The following MSN variants were observed in gnomAD, a reference collection of about 807,000 sequenced individuals.
MSN encodes epididymis luminal protein 70.
A neutral mutation model predicts 48.0 loss-of-function variants in MSN; 2 were observed. That is an observed-to-expected ratio of 0.04 (90% CI 0.02 to 0.13). MSN has a LOEUF of 0.13. MSN is among the 10% of genes least tolerant of loss of function. The probability of loss-of-function intolerance (pLI) is 1.00; values close to 1 mark genes in which losing one functional copy is unlikely to be tolerated. For missense variants in MSN, 267 were observed against 470.1 expected, an observed-to-expected ratio of 0.57 and a Z score of 3.99; for synonymous variants, 146 against 166.9, an observed-to-expected ratio of 0.87 and a Z score of 0.97.
chrX:65,602,805 T>C (rs1569452982), intron 1 of MSN, among the ~76,000 whole-genome samples: 1 of 112,329 alleles, frequency 8.9e-6, no homozygotes. Context: ...TAACACTTGA[T>C]AAATGGCAGT....
chrX:65,655,638 C>G (rs2070775625), intron 1 of MSN, among the ~76,000 whole-genome samples: 1 of 112,935 alleles, frequency 8.9e-6, no homozygotes, highest in Admixed American at 9.4e-5. Context: ...CCACTTGATC[C>G]AGCTCTGCCT....
rs773724463 is a variant in MSN at position 65,731,070 on chromosome X, T to C, written c.468-37T>C. On this transcript the variant is annotated intron_variant, in intron 4 of 12. Transcript: ENST00000360270. ...TCCCTTCTCTCCTGCACAGGGACTT[T>C]GTGCTTTAAACTACTCATCACCCAT... 4.5e-6 allele frequency: 5 copies of C among 1,123,415 alleles called. No homozygotes were observed. In the South Asian group the frequency reaches 9.7e-5, roughly 22 times the overall value. 92.6% of individuals were successfully genotyped at this position (1,123,415 alleles called of 1,213,427 possible).
At chrX:65,733,917 G>C (rs141620624) in intron 7 of MSN, among the ~76,000 whole-genome samples, 4 of 111,406 alleles carry the variant, frequency 3.6e-5, no homozygotes, top group Non-Finnish European at 7.5e-5. Flanking sequence ...GCCTCCCAAA[G>C]TGCTGGGATT....
intron 1 of MSN, among the ~76,000 whole-genome samples, chrX:65,647,252 T>A (rs2070701587): frequency 9.6e-6 from 1 of 103,727 alleles, no homozygotes; most frequent in Admixed American, 1.0e-4. Flanking sequence ...TGCACTGTCA[T>A]CCAGGTTGGA....
chrX:65,702,076 A>G (rs2071310621), intron 1 of MSN, among the ~76,000 whole-genome samples: 1 of 104,473 alleles, frequency 9.6e-6, no homozygotes, highest in Non-Finnish European at 2.0e-5. Context: ...ACAGTGGTGC[A>G]ATCTCGGCTC....
At chrX:65,620,433 G>A (rs755489674) in intron 1 of MSN, among the ~76,000 whole-genome samples, 92 of 113,974 alleles carry the variant, frequency 8.1e-4, no homozygotes, top group Non-Finnish European at 1.6e-3. Context: ...CAAGCCCGTC[G>A]GAAAAGCGCA....
chrX:65,604,158 C>T (rs1284634778), intron 1 of MSN, among the ~76,000 whole-genome samples: 3 of 111,993 alleles, frequency 2.7e-5, no homozygotes, highest in Non-Finnish European at 5.6e-5. Context: ...GTTGCAGAGC[C>T]AGGATATAAG....
At chrX:65,613,027 C>T (rs1331773944) in intron 1 of MSN, among the ~76,000 whole-genome samples, 1 of 111,498 alleles carries the variant, frequency 9.0e-6, no homozygotes, top group Admixed American at 9.6e-5. Flanking sequence ...GTTATCCCTC[C>T]CCTTGCCCCC....
chrX:65,735,628 C>G (rs1423248511), intron 8 of MSN, among the ~76,000 whole-genome samples, 198 bp downstream of exon 8: 2 of 112,463 alleles, frequency 1.8e-5, no homozygotes, highest in African/African-American at 3.2e-5. Context: ...TAGCAGGAAA[C>G]TGCCCTGTAG....
chrX:65,594,763 T>A (rs759813646), intron 1 of MSN, among the ~76,000 whole-genome samples: 1 of 111,499 alleles, frequency 9.0e-6, no homozygotes, highest in East Asian at 2.8e-4. Context: ...AAACACTGGC[T>A]GCCTTTGTTG....
chrX:65,707,862 T>C (rs2071376897), intron 1 of MSN, among the ~76,000 whole-genome samples: 1 of 112,057 alleles, frequency 8.9e-6, no homozygotes, highest in Admixed American at 9.4e-5. Context: ...ACTTCTATCC[T>C]ATCTATCACT....
rs371431201 is a variant in MSN at position 65,729,763 on chromosome X, C to A, written c.467+51C>A. On this transcript the variant is annotated intron_variant, in intron 4 of 12. Transcript: ENST00000360270. The stretch of plus-strand genomic sequence containing the variant: ...GCCTTGGCCATAAGGGGCTGCAGCC[C>A]ACAGCTGACCAATCCCTGCCTCACA... 2.8e-5 allele frequency: 32 copies of A among 1,141,341 alleles called. No homozygotes were observed. The East Asian group carries it at 8.6e-4, about 31-fold the overall frequency. The allele number at this position is 1,141,341 out of a possible 1,213,427, so 94.1% of individuals were successfully genotyped here. A position where few individuals can be genotyped will look rare whatever the true frequency, so the allele number is the denominator to read the frequency against.
At position 65,629,927 on chromosome X, in the gene MSN, C is replaced by A. The variant is rs185853215; in HGVS notation, c.-22+41315C>A. The stretch of plus-strand genomic sequence containing the variant: ...GGCGAGGTGGCTCACACCTGTAATC[C>A]TAGCACTTTGGGAGGCTGAGGTGGG... On this transcript the variant is annotated intron_variant, in intron 1 of 3. Coordinates refer to the MSN transcript ENST00000609672. Among the ~76,000 whole-genome samples, 124 of 111,756 alleles carry A rather than the reference C, an allele frequency of 1.1e-3. 2 individuals are homozygous for A. Among genetic ancestry groups the A allele is most frequent in the African/African-American group, 3.8e-3 (118 of 30,774 alleles).
At chrX:65,617,817 C>A (rs1161637908) in intron 1 of MSN, among the ~76,000 whole-genome samples, 9 of 108,862 alleles carry the variant, frequency 8.3e-5, no homozygotes. Flanking sequence ...AATTTTGGAT[C>A]TTTCCTGCTT....
chrX:65,626,545 G>T (rs1384301309), intron 1 of MSN, among the ~76,000 whole-genome samples: 1 of 110,626 alleles, frequency 9.0e-6, no homozygotes, highest in Admixed American at 9.7e-5. Context: ...GAAGTTTCTG[G>T]GTTTTTTTTT....
At chrX:65,656,265 C>CTGTGTGTG (rs3087113) in intron 1 of MSN, among the ~76,000 whole-genome samples, 25 of 92,844 alleles carry the variant, frequency 2.7e-4, no homozygotes, top group African/African-American at 9.2e-4. Context: ...AGATCTATGC[C>CTGTGTGTG]TGTGTGTGTG....
chrX:65,609,612 G>A lies in MSN; in HGVS notation c.-22+21000G>A, dbSNP rs1374716671. Among the ~76,000 whole-genome samples, 8 of 111,536 alleles carry A rather than the reference G, an allele frequency of 7.2e-5. No homozygotes were observed. In the East Asian group the frequency reaches 1.1e-3, roughly 16 times the overall value. ...AAGAGTAGATTTCCTGGCCAGGCGCGGTGGCTCATGTCTGTAATCCCAGCA... is the reference window on the plus strand; with the variant it reads ...AAGAGTAGATTTCCTGGCCAGGCGCAGTGGCTCATGTCTGTAATCCCAGCA... On this transcript the variant is annotated intron_variant, in intron 1 of 3. Coordinates refer to the MSN transcript ENST00000609672.
At chrX:65,696,634 C>T (rs1602813411) in intron 1 of MSN, among the ~76,000 whole-genome samples, 1 of 110,915 alleles carries the variant, frequency 9.0e-6, no homozygotes, top group Middle Eastern at 4.6e-3. Flanking sequence ...GGTTCATGCT[C>T]GCTCACCTCA....
chrX:65,592,497 C>T (rs1220500080), intron 1 of MSN, among the ~76,000 whole-genome samples: 1 of 109,694 alleles, frequency 9.1e-6, no homozygotes, highest in Non-Finnish European at 1.9e-5. Context: ...CCTGGTCTCT[C>T]TCTTCATCCC....
Sources: gnomAD v4.1 joint callset for allele counts (sites outside exome capture counted in the v4.1 genomes callset) on GRCh38, gnomAD v4.1.1 for gene constraint, MANE v1.5 for transcripts, NCBI Gene and HGNC (gene_info 2026-07-23, HGNC 2026-07-21) for gene names.